DGKB: variants seen among roughly 807,000 people sequenced by gnomAD.
The protein encoded by DGKB is 90 kDa diacylglycerol kinase.
In DGKB, 67 loss-of-function variants were observed where a neutral mutation model predicts 114.3. The observed-to-expected ratio is 0.59, with a 90% confidence interval of 0.48 to 0.72. The LOEUF (loss-of-function observed/expected upper bound fraction) is 0.72. Among genes scored for constraint, DGKB ranks in the 30% least tolerant of loss-of-function variants. The pLI, the probability that DGKB is intolerant of heterozygous loss-of-function variation, is 0.00. For synonymous variants in DGKB, 398 were observed against 323.1 expected, an observed-to-expected ratio of 1.23 and a Z score of -2.49; for missense variants, 907 against 975.2, an observed-to-expected ratio of 0.93 and a Z score of 0.93.
At chr7:14,433,569 C>T (rs1441284513) in intron 21 of DGKB, among the ~76,000 whole-genome samples, 1 of 152,044 alleles carries the variant, frequency 6.6e-6, no homozygotes, top group Non-Finnish European at 1.5e-5. Flanking sequence ...AAAAAAACCA[C>T]TACATAAGTG....
intron 1 of DGKB, among the ~76,000 whole-genome samples, chr7:14,960,704 C>T (rs751202794): frequency 1.3e-5 from 2 of 152,004 alleles, no homozygotes; most frequent in Non-Finnish European, 2.9e-5. Flanking sequence ...TTATTTGCTA[C>T]CAACTAAGGT....
Position 14,840,711 on chromosome 7 carries a change from C to A in DGKB, c.70+483G>T, listed in dbSNP as rs951711227. Among the ~76,000 whole-genome samples the A allele has an allele frequency of 5.8e-5, 5 of 86,228 alleles. No individual in the cohort carries two copies. In the Admixed American group the frequency reaches 8.1e-4, roughly 14 times the overall value. The allele number at this position is 86,228 out of a possible 152,430, so 56.6% of individuals were successfully genotyped here. ...CCTACTCTCTTTTAACACACACACA[C>A]ACACACACACACACACACACACACA... On this transcript the variant is annotated intron_variant, in intron 2 of 25. Coordinates refer to ENST00000402815, the MANE Select transcript of DGKB (RefSeq NM_001350709.2).
intron 1 of DGKB, among the ~76,000 whole-genome samples, chr7:14,919,785 T>G (rs1414184420): frequency 6.6e-6 from 1 of 152,204 alleles, no homozygotes; most frequent in East Asian, 1.9e-4. Flanking sequence ...ATCCCCTTCA[T>G]GATGAGTGAG....
At chr7:14,573,625 C>T (rs1030268095) in intron 20 of DGKB, among the ~76,000 whole-genome samples, 2 of 152,024 alleles carry the variant, frequency 1.3e-5, no homozygotes, top group African/African-American at 2.4e-5. Flanking sequence ...TATAAAATCA[C>T]TATTAAAATT....
intron 8 of DGKB, among the ~76,000 whole-genome samples, chr7:14,697,787 AAAGGAAGGAAGG>A (rs369037694): frequency 6.7e-6 from 1 of 149,044 alleles, no homozygotes; most frequent in Non-Finnish European, 1.5e-5. Context: ...AGAAAGAAAG[AAAGGAAGGAAGG>A]AAGAAAGAGA....
chr7:14,459,249 C>T (rs1180278637), intron 21 of DGKB, among the ~76,000 whole-genome samples: 5 of 152,150 alleles, frequency 3.3e-5, no homozygotes, highest in Middle Eastern at 3.4e-3. Flanking sequence ...GCAGAGCACC[C>T]GGGGGAAGGG....
chr7:14,604,041 C>A (rs1182615950), intron 17 of DGKB, among the ~76,000 whole-genome samples: 2 of 152,086 alleles, frequency 1.3e-5, no homozygotes, highest in African/African-American at 2.4e-5. Flanking sequence ...ATATAAAGCC[C>A]AAGAGTAATT....
At chr7:14,781,757 T>C (rs1310239150) in intron 2 of DGKB, among the ~76,000 whole-genome samples, 1 of 152,212 alleles carries the variant, frequency 6.6e-6, no homozygotes, top group East Asian at 1.9e-4. Flanking sequence ...TTATAACATA[T>C]AACTCTGGGC....
chr7:14,458,441 G>T (rs1286156358), intron 21 of DGKB, among the ~76,000 whole-genome samples: 1 of 152,182 alleles, frequency 6.6e-6, no homozygotes, highest in Non-Finnish European at 1.5e-5. Context: ...CCTGTCTGCA[G>T]CTCCCAGCGA....
intron 23 of DGKB, among the ~76,000 whole-genome samples, chr7:14,218,870 G>A (rs750557728): frequency 2.6e-5 from 4 of 151,624 alleles, no homozygotes; most frequent in African/African-American, 7.3e-5. Context: ...ATCACTTCAG[G>A]AAGAAACCCT....
chr7:14,794,645 G>A (rs987153831), intron 2 of DGKB, among the ~76,000 whole-genome samples: 1 of 152,134 alleles, frequency 6.6e-6, no homozygotes, highest in Admixed American at 6.6e-5. Flanking sequence ...ATCCAAAGCA[G>A]AGCATTATCT....
intron 20 of DGKB, among the ~76,000 whole-genome samples, chr7:14,558,772 T>C (rs1486764649): frequency 1.3e-5 from 2 of 152,190 alleles, no homozygotes; most frequent in Non-Finnish European, 1.5e-5. Context: ...AACACTCCTG[T>C]AGGTTCAGTA....
intron 21 of DGKB, among the ~76,000 whole-genome samples, chr7:14,438,208 A>T (rs1390705630): frequency 1.3e-5 from 2 of 152,106 alleles, no homozygotes; most frequent in Non-Finnish European, 2.9e-5. Flanking sequence ...TAGAATAGTT[A>T]GGATTAAGAA....
At chr7:14,845,798 T>C (rs796483961) in intron 1 of DGKB, among the ~76,000 whole-genome samples, 30 of 151,644 alleles carry the variant, frequency 2.0e-4, no homozygotes, top group African/African-American at 7.3e-4. Context: ...TCCTAGGGAC[T>C]ACATCCATTT....
chr7:14,824,748 G>T (rs1845426790), intron 2 of DGKB, among the ~76,000 whole-genome samples: 1 of 151,578 alleles, frequency 6.6e-6, no homozygotes, highest in South Asian at 2.1e-4. Context: ...TTATTAAGTT[G>T]ATCTAGTCTT....
intron 21 of DGKB, among the ~76,000 whole-genome samples, chr7:14,470,171 A>G (rs1394729082): frequency 2.6e-5 from 4 of 151,930 alleles, no homozygotes; most frequent in African/African-American, 4.8e-5. Context: ...GCTTTAGGAC[A>G]TGAAACTCTC....
intron 21 of DGKB, among the ~76,000 whole-genome samples, chr7:14,445,379 A>G (rs1376546146): frequency 6.6e-6 from 1 of 151,964 alleles, no homozygotes; most frequent in East Asian, 1.9e-4. Context: ...ACCAAGCAAA[A>G]GTCAATTGAT....
intron 1 of DGKB, among the ~76,000 whole-genome samples, chr7:14,929,209 T>C (rs1327764140): frequency 6.6e-6 from 1 of 152,098 alleles, no homozygotes; most frequent in African/African-American, 2.4e-5. Context: ...TGCAGATATC[T>C]TTTTGGTATA....
chr7:14,571,483 C>A (rs1472513579), intron 20 of DGKB, among the ~76,000 whole-genome samples: 1 of 152,198 alleles, frequency 6.6e-6, no homozygotes, highest in Non-Finnish European at 1.5e-5. Context: ...AGCTAACCAG[C>A]AGATTGGCCA....
Sources: gnomAD v4.1 joint callset for allele counts (sites outside exome capture counted in the v4.1 genomes callset) on GRCh38, gnomAD v4.1.1 for gene constraint, MANE v1.5 for transcripts, NCBI Gene and HGNC (gene_info 2026-07-23, HGNC 2026-07-21) for gene names.